The following NTNG1 variants were observed in gnomAD, a reference collection of about 807,000 sequenced individuals.
NTNG1 encodes netrin G1, also known as netrin-G1.
In NTNG1, 16 loss-of-function variants were observed where a neutral mutation model predicts 54.0. The observed-to-expected ratio is 0.30, with a 90% CI of 0.20 to 0.45. The LOEUF is 0.45. Among genes scored for constraint, NTNG1 ranks in the 20% least tolerant of loss-of-function variants. The pLI, the probability that NTNG1 is intolerant of heterozygous loss-of-function variation, is 1.00. For synonymous variants in NTNG1, 255 were observed against 263.1 expected (o/e 0.97, Z 0.30); for missense variants, 530 against 678.7 (o/e 0.78, Z 2.43).
intron 2 of NTNG1, among the ~76,000 whole-genome samples, chr1:107,287,390 A>AT (rs1414836613): frequency 1.3e-5 from 2 of 152,140 alleles, no homozygotes; most frequent in African/African-American, 2.4e-5. Flanking sequence ...ACTACTACAT[A>AT]TTTTTTGGAG....
At chr1:107,342,125 T>C (rs1668934744) in intron 3 of NTNG1, among the ~76,000 whole-genome samples, 1 of 152,100 alleles carries the variant, frequency 6.6e-6, no homozygotes, top group Non-Finnish European at 1.5e-5. Flanking sequence ...TTATATTGAG[T>C]ATATCCTATT....
intron 2 of NTNG1, among the ~76,000 whole-genome samples, chr1:107,280,557 G>T (rs552310253): frequency 2.6e-4 from 39 of 147,428 alleles, no homozygotes; most frequent in African/African-American, 8.4e-4. Flanking sequence ...ATGATTTTTG[G>T]TTATCCATTC....
At chr1:107,347,388 G>C (rs914702582) in intron 3 of NTNG1, among the ~76,000 whole-genome samples, 1 of 152,142 alleles carries the variant, frequency 6.6e-6, no homozygotes, top group Non-Finnish European at 1.5e-5. Flanking sequence ...GGTGGTGGGT[G>C]CCTGTAGCAC....
chr1:107,290,286 T>C (rs1020729784), intron 2 of NTNG1, among the ~76,000 whole-genome samples: 1 of 152,196 alleles, frequency 6.6e-6, no homozygotes, highest in African/African-American at 2.4e-5. Flanking sequence ...ACTCATGGCT[T>C]GAGAGCCTCA....
chr1:107,479,558 G>T (rs1017685403), intron 7 of NTNG1, among the ~76,000 whole-genome samples: 1 of 152,138 alleles, frequency 6.6e-6, no homozygotes, highest in Admixed American at 6.5e-5. Context: ...TTCCAGAGGG[G>T]TTCTATATAT....
At chr1:107,239,591 G>A (rs1391092693) in intron 2 of NTNG1, among the ~76,000 whole-genome samples, 2 of 152,118 alleles carry the variant, frequency 1.3e-5, no homozygotes, top group Non-Finnish European at 2.9e-5. Flanking sequence ...TAAATAATTC[G>A]ACCAAAATCC....
rs1384691841 is a variant in NTNG1 at position 107,422,024 on chromosome 1, T to C, written c.1088-8726T>C. 2.0e-5 allele frequency among the ~76,000 whole-genome samples: 3 copies of C among 152,240 alleles called. No homozygotes were observed. The East Asian group carries it at 5.8e-4, about 29-fold the overall frequency. Reference sequence around the variant, plus strand: ...AATTTAGTCATTTCCTAGATTTTAATCAATGTTGAATTTGTCCTTCCATGG... The same window carrying C: ...AATTTAGTCATTTCCTAGATTTTAACCAATGTTGAATTTGTCCTTCCATGG... On this transcript the variant is annotated intron_variant, in intron 5 of 7. Coordinates refer to ENST00000370068, the MANE Select transcript of NTNG1 (RefSeq NM_001113226.3).
At chr1:107,202,481 T>C (rs1658830083) in intron 2 of NTNG1, among the ~76,000 whole-genome samples, 1 of 151,868 alleles carries the variant, frequency 6.6e-6, no homozygotes, top group African/African-American at 2.4e-5. Context: ...CCACTGCCAG[T>C]ACTACTACTA....
intron 2 of NTNG1, among the ~76,000 whole-genome samples, chr1:107,167,200 TACAGA>T (rs1437446916): frequency 5.3e-5 from 8 of 152,062 alleles, no homozygotes; most frequent in Non-Finnish European, 2.9e-5. Context: ...CCCTCAGTGT[TACAGA>T]ACAGATCTTC....
At chr1:107,231,644 G>A (rs1476696270) in intron 2 of NTNG1, among the ~76,000 whole-genome samples, 3 of 152,060 alleles carry the variant, frequency 2.0e-5, no homozygotes, top group Non-Finnish European at 4.4e-5. Flanking sequence ...TCACAGAAGG[G>A]AAGATAACCA....
chr1:107,335,216 C>A (rs1056906852), intron 3 of NTNG1, among the ~76,000 whole-genome samples: 1 of 151,988 alleles, frequency 6.6e-6, no homozygotes, highest in Non-Finnish European at 1.5e-5. Flanking sequence ...ATGAACTGCT[C>A]TCATTCTCAA....
At chr1:107,354,774 T>A (rs1302331912) in intron 3 of NTNG1, among the ~76,000 whole-genome samples, 1 of 152,154 alleles carries the variant, frequency 6.6e-6, no homozygotes, top group Non-Finnish European at 1.5e-5. Context: ...GCACGCTTCC[T>A]CATCCGCTTC....
intron 2 of NTNG1, among the ~76,000 whole-genome samples, chr1:107,166,809 A>G (rs1020706880): frequency 5.9e-5 from 9 of 152,130 alleles, no homozygotes; most frequent in African/African-American, 1.4e-4. Flanking sequence ...TTGCCTATCA[A>G]AAACGTTCTA....
At chr1:107,141,723 CTTG>C (rs1011569045) in intron 1 of NTNG1, among the ~76,000 whole-genome samples, 10 of 152,202 alleles carry the variant, frequency 6.6e-5, no homozygotes, top group South Asian at 4.2e-4. Flanking sequence ...GATGCGTCCT[CTTG>C]TTGTGTCCGG....
At chr1:107,216,756 C>T (rs891456746) in intron 2 of NTNG1, among the ~76,000 whole-genome samples, 1 of 151,640 alleles carries the variant, frequency 6.6e-6, no homozygotes, top group Non-Finnish European at 1.5e-5. Context: ...CGGCTCACTG[C>T]AACCTCTACC....
chr1:107,242,431 G>C (rs934678627), intron 2 of NTNG1, among the ~76,000 whole-genome samples: 1 of 151,976 alleles, frequency 6.6e-6, no homozygotes, highest in Admixed American at 6.6e-5. Context: ...TAACTCAAAG[G>C]CTTTAGGAAT....
At chr1:107,202,873 T>G (rs928101002) in intron 2 of NTNG1, among the ~76,000 whole-genome samples, 2 of 151,920 alleles carry the variant, frequency 1.3e-5, no homozygotes, top group African/African-American at 2.4e-5. Flanking sequence ...TTTTCCCTTT[T>G]TCATCTAAAT....
At chr1:107,164,616 G>A (rs1360648310) in intron 2 of NTNG1, among the ~76,000 whole-genome samples, 1 of 152,194 alleles carries the variant, frequency 6.6e-6, no homozygotes, top group Non-Finnish European at 1.5e-5. Context: ...AGAAATTTAA[G>A]CTCCTATGAG....
intron 7 of NTNG1, among the ~76,000 whole-genome samples, chr1:107,471,463 C>A (rs1677977139): frequency 1.3e-5 from 2 of 152,132 alleles, no homozygotes; most frequent in Admixed American, 6.5e-5. Context: ...ATCAACATTG[C>A]AAAAGACAAA....
Sources: gnomAD v4.1 joint callset for allele counts (sites outside exome capture counted in the v4.1 genomes callset) on GRCh38, gnomAD v4.1.1 for gene constraint, MANE v1.5 for transcripts, NCBI Gene and HGNC (gene_info 2026-07-23, HGNC 2026-07-21) for gene names.